Variants in NR6A1 observed in about 807,000 individuals in gnomAD.
NR6A1 encodes nuclear receptor subfamily 6 group A member 1.
In NR6A1, 7 loss-of-function variants were observed where a neutral mutation model predicts 59.1. The observed-to-expected ratio is 0.12, with a 90% CI of 0.07 to 0.22. The LOEUF (loss-of-function observed/expected upper bound fraction) is 0.22. NR6A1 is among the 10% of genes least tolerant of loss of function. The pLI, the probability that NR6A1 is intolerant of heterozygous loss-of-function variation, is 1.00. For synonymous variants in NR6A1, 243 were observed against 236.1 expected (o/e 1.03, Z -0.27); for missense variants, 468 against 611.6 (o/e 0.77, Z 2.48).
chr9:124,587,291 T>TC (rs1196504971), intron 2 of NR6A1, among the ~76,000 whole-genome samples: 2 of 152,224 alleles, frequency 1.3e-5, no homozygotes, highest in African/African-American at 4.8e-5. Flanking sequence ...ACCAAAAAAT[T>TC]CGAGTGACTT....
intron 2 of NR6A1, among the ~76,000 whole-genome samples, chr9:124,705,431 A>G (rs1319310724): frequency 6.6e-6 from 1 of 152,082 alleles, no homozygotes; most frequent in Non-Finnish European, 1.5e-5. Flanking sequence ...CCCTTTTGTC[A>G]TTACAGTATG....
chr9:124,526,288 ATGTGTGTGTG>A lies in NR6A1; in HGVS notation c.1201+481_1201+490del, dbSNP rs3050281. On this transcript the variant is annotated intron_variant, in intron 8 of 9. Transcript: ENST00000487099. The stretch of plus-strand genomic sequence containing the variant: ...CATGCTTGATTGTGTGTATGTGTGT[ATGTGTGTGTG>A]TGTGTGTGTGTGTGTGTGTTTGTGC... 1.2e-4 allele frequency among the ~76,000 whole-genome samples: 17 copies of A among 146,656 alleles called. No homozygotes were observed. In the East Asian group the frequency reaches 1.2e-3, roughly 10 times the overall value.
intron 1 of NR6A1, among the ~76,000 whole-genome samples, chr9:124,752,708 A>G (rs987906639): frequency 1.3e-5 from 2 of 152,092 alleles, no homozygotes; most frequent in Admixed American, 6.5e-5. Context: ...CAAAATTACT[A>G]TATATTTTAC....
chr9:124,564,825 T>C (rs1834189733), intron 2 of NR6A1, among the ~76,000 whole-genome samples: 5 of 152,300 alleles, frequency 3.3e-5, no homozygotes, highest in Middle Eastern at 3.4e-3. Flanking sequence ...ATTTTAAAGC[T>C]ATAGTAATTA....
chr9:124,682,119 C>G (rs1260702226), intron 2 of NR6A1, among the ~76,000 whole-genome samples: 1 of 152,004 alleles, frequency 6.6e-6, no homozygotes, highest in African/African-American at 2.4e-5. Flanking sequence ...CTCAGCCTCC[C>G]GAGTAGCTGG....
chr9:124,623,445 T>G (rs1187416416), intron 2 of NR6A1, among the ~76,000 whole-genome samples: 1 of 152,068 alleles, frequency 6.6e-6, no homozygotes, highest in Non-Finnish European at 1.5e-5. Context: ...CACTGCAGCC[T>G]TGACCTCGCG....
intron 2 of NR6A1, among the ~76,000 whole-genome samples, chr9:124,665,602 G>A (rs1837588750): frequency 6.6e-6 from 1 of 152,198 alleles, no homozygotes; most frequent in East Asian, 1.9e-4. Context: ...TGATACACAG[G>A]AGCATTAAAT....
At chr9:124,711,291 C>G (rs1313664818) in intron 2 of NR6A1, among the ~76,000 whole-genome samples, 1 of 150,810 alleles carries the variant, frequency 6.6e-6, no homozygotes, top group African/African-American at 2.5e-5. Context: ...GTGGTCTTCC[C>G]CAAACATTAT....
chr9:124,524,052 A>G (rs867063227), intron 9 of NR6A1, among the ~76,000 whole-genome samples: 1 of 152,212 alleles, frequency 6.6e-6, no homozygotes, highest in African/African-American at 2.4e-5. Context: ...AGAAACATAC[A>G]TACATACACA....
At chr9:124,609,859 C>T (rs1456103609) in intron 2 of NR6A1, among the ~76,000 whole-genome samples, 1 of 152,068 alleles carries the variant, frequency 6.6e-6, no homozygotes, top group Admixed American at 6.6e-5. Context: ...GTATTTTATT[C>T]TCTTCATAGT....
chr9:124,627,900 T>TC (rs1252824985), intron 2 of NR6A1, among the ~76,000 whole-genome samples: 1 of 149,682 alleles, frequency 6.7e-6, no homozygotes, highest in Non-Finnish European at 1.5e-5. Context: ...TTTTTTTTTT[T>TC]TTTTTTTTTT....
chr9:124,752,481 CATA>C (rs1422728296), intron 1 of NR6A1, among the ~76,000 whole-genome samples: 3 of 152,010 alleles, frequency 2.0e-5, no homozygotes, highest in Admixed American at 6.5e-5. Flanking sequence ...GGTAATTAAA[CATA>C]ATTATTAATA....
At chr9:124,527,629 C>T (rs1832976937) in intron 7 of NR6A1, among the ~76,000 whole-genome samples, 1 of 152,214 alleles carries the variant, frequency 6.6e-6, no homozygotes, top group Non-Finnish European at 1.5e-5. Flanking sequence ...GTCTGGTCCA[C>T]AAATACAGTT....
At chr9:124,584,259 C>T (rs1382807215) in intron 2 of NR6A1, among the ~76,000 whole-genome samples, 1 of 152,026 alleles carries the variant, frequency 6.6e-6, no homozygotes, top group African/African-American at 2.4e-5. Flanking sequence ...AGGCGTATGC[C>T]ACCACACCCA....
At chr9:124,551,992 C>T (rs993582937) in intron 3 of NR6A1, among the ~76,000 whole-genome samples, 1 of 152,204 alleles carries the variant, frequency 6.6e-6, no homozygotes, top group Non-Finnish European at 1.5e-5. Flanking sequence ...TGCAAACAGT[C>T]CTAAGGAGAC....
At chr9:124,694,312 A>G (rs1488913639) in intron 2 of NR6A1, among the ~76,000 whole-genome samples, 2 of 152,132 alleles carry the variant, frequency 1.3e-5, no homozygotes, top group Non-Finnish European at 2.9e-5. Flanking sequence ...GCTTAGACAA[A>G]AATAAGCTCA....
intron 3 of NR6A1, among the ~76,000 whole-genome samples, chr9:124,554,013 A>G (rs915800425): frequency 3.3e-5 from 5 of 152,136 alleles, no homozygotes; most frequent in Non-Finnish European, 5.9e-5. Flanking sequence ...TTTTCATCCA[A>G]AAATTTCTAC....
chr9:124,736,608 C>A (rs965055648), intron 1 of NR6A1, among the ~76,000 whole-genome samples: 1 of 152,116 alleles, frequency 6.6e-6, no homozygotes, highest in African/African-American at 2.4e-5. Context: ...CTTTGGGAAG[C>A]CGAAGCAGGA....
In NR6A1 at chr9:124,588,781, A is replaced by G. The variant is rs564872108; in HGVS notation, c.143-34211T>C. The stretch of plus-strand genomic sequence containing the variant: ...AAAAAATACAAAAAATTAGCGGGGA[A>G]TGGTGGAGGGCGCCTGTAGTCCCAG... On this transcript the variant is annotated intron_variant, in intron 2 of 9. Coordinates refer to ENST00000487099, the MANE Select transcript of NR6A1 (RefSeq NM_033334.4). Among the ~76,000 whole-genome samples, 87 of 149,086 alleles carry G rather than the reference A, an allele frequency of 5.8e-4. 1 individual carries two copies. The South Asian group carries it at 0.018, about 31-fold the overall frequency.
Sources: allele counts gnomAD v4.1 joint callset (sites outside exome capture counted in the v4.1 genomes callset), GRCh38; gene constraint gnomAD v4.1.1; transcripts MANE v1.5; gene names NCBI Gene and HGNC (gene_info 2026-07-23, HGNC 2026-07-21).